Variants in PPL observed in about 807,000 individuals in gnomAD.
PPL encodes the protein 190 kDa paraneoplastic pemphigus antigen.
PPL carries 198 observed loss-of-function variants against 194.4 expected under a neutral mutation model. The ratio of observed to expected loss-of-function variants is 1.02; its 90% CI spans 0.91 to 1.15. The LOEUF (loss-of-function observed/expected upper bound fraction) is 1.15. Among genes scored for constraint, PPL ranks in the 50% most tolerant of loss-of-function variants. PPL has a pLI of 0.00. For missense variants in PPL, 2,885 were observed against 2,294.8 expected (o/e 1.26, Z -5.25); for synonymous variants, 1,220 against 972.4 (o/e 1.25, Z -4.74).
intron 1 of PPL, among the ~76,000 whole-genome samples, chr16:4,918,728 C>G (rs981916830): frequency 2.0e-5 from 3 of 152,310 alleles, no homozygotes; most frequent in African/African-American, 7.2e-5. Flanking sequence ...CGTTTTTGCC[C>G]TGTAGCTTTG....
At chr16:4,930,271 C>A (rs2089210361) in intron 1 of PPL, among the ~76,000 whole-genome samples, 1 of 152,176 alleles carries the variant, frequency 6.6e-6, no homozygotes, top group South Asian at 2.1e-4. Flanking sequence ...CCTCCTTTAT[C>A]TCACTATCAC....
chr16:4,903,918 C>T lies in PPL; in HGVS notation c.285G>A (p.Met95Ile). 6.2e-7 allele frequency: 1 copy of T among 1,614,094 alleles called. No homozygotes were observed. The highest frequency in any genetic ancestry group is 1.1e-5 in the South Asian group (1 of 91,078). Residue 95 changes from methionine to isoleucine, a missense_variant, in exon 3 of 22, where the codon ATG (methionine) becomes ATA (isoleucine). Physicochemically the swap from Met to Ile is conservative, Grantham distance 10. Coordinates refer to ENST00000345988, the MANE Select transcript of PPL (RefSeq NM_002705.5). The part of the protein sequence containing the change: ...LEADAAIAKH[M>I]KHPQGDMIAE... The stretch of plus-strand genomic sequence containing the variant: ...CGATCATGTCCCCCTGTGGGTGCTT[C>T]ATGTGCTTGGCAATGGCCGCATCCG...
chr16:4,921,978 CGTG>C (rs1385614559), intron 1 of PPL, among the ~76,000 whole-genome samples: 1 of 151,982 alleles, frequency 6.6e-6, no homozygotes, highest in Non-Finnish European at 1.5e-5. Context: ...CGATGCTCCA[CGTG>C]GGCAGAGAAA....
chr16:4,906,205 G>C (rs138507463), intron 2 of PPL, among the ~76,000 whole-genome samples: 1 of 152,220 alleles, frequency 6.6e-6, no homozygotes, highest in African/African-American at 2.4e-5. Context: ...TCTTGACTTG[G>C]AGTGGAATTT....
At chr16:4,930,890 G>C (rs1346347188) in intron 1 of PPL, among the ~76,000 whole-genome samples, 2 of 152,220 alleles carry the variant, frequency 1.3e-5, no homozygotes, top group African/African-American at 4.8e-5. Context: ...TAAGAGCAAA[G>C]AGAGGTCTGG....
rs777900436 is a variant in PPL at position 4,897,705 on chromosome 16, G to T, written c.942C>A (p.Ser314Arg). Residue 314 changes from serine (S) to arginine (R), a missense_variant, in exon 9 of 22, where the codon AGC (serine) becomes AGA (arginine). By Grantham distance (110) the Ser-to-Arg change is moderately radical. Transcript: ENST00000345988. ...GGTAGTCCTCCATGTACTTGAGGTGGCTCTCCTCGCAGATGAGCAGGTTCA... is the reference window on the plus strand; with the variant it reads ...GGTAGTCCTCCATGTACTTGAGGTGTCTCTCCTCGCAGATGAGCAGGTTCA... ...EYLNLLICEE[S>R]HLKYMEDYHQ... 2.5e-6 allele frequency: 4 copies of T among 1,613,862 alleles called. No individual in the cohort carries two copies. Among genetic ancestry groups the T allele is most frequent in the Non-Finnish European group, 3.4e-6 (4 of 1,179,978 alleles).
intron 1 of PPL, among the ~76,000 whole-genome samples, chr16:4,918,837 T>C (rs1183686572): frequency 6.6e-6 from 1 of 152,058 alleles, no homozygotes; most frequent in Non-Finnish European, 1.5e-5. Context: ...CCAGCAGGAA[T>C]GTGGGTGGGG....
rs368255572 is a variant in PPL, at chr16:4,893,549, T to C, written c.1484A>G (p.Asn495Ser). ...QQRYEVLKTE[N>S]PGDASDLQGR... ...GTGGCCCTGGCACCCACCTCCGGGATTCTCGGTCTTCAGCACCTCATACCG... is the reference window on the plus strand; with the variant it reads ...GTGGCCCTGGCACCCACCTCCGGGACTCTCGGTCTTCAGCACCTCATACCG... Residue 495 changes from asparagine to serine, a missense_variant, in exon 13 of 22, where the codon AAT becomes AGT. Coordinates refer to ENST00000345988, the MANE Select transcript of PPL (RefSeq NM_002705.5). The C allele has an allele frequency of 9.2e-5, 149 of 1,612,486 alleles. No individual in the cohort carries two copies. Among genetic ancestry groups the C allele is most frequent in the Non-Finnish European group, 1.2e-4 (147 of 1,179,806 alleles).
intron 1 of PPL, among the ~76,000 whole-genome samples, chr16:4,930,117 C>A (rs1026156260): frequency 2.0e-5 from 3 of 152,244 alleles, no homozygotes; most frequent in Admixed American, 6.5e-5. Context: ...TGCTTGCTCA[C>A]TGTCATGCCT....
intron 2 of PPL, among the ~76,000 whole-genome samples, chr16:4,910,644 G>C (rs755503004): frequency 1.8e-4 from 27 of 152,296 alleles, no homozygotes; most frequent in Middle Eastern, 6.8e-3. Context: ...GCACGGTAGG[G>C]TGTTCAGCAG....
In PPL at chr16:4,882,992, C is replaced by G. The variant is rs1340071201; in HGVS notation, c.*392G>C. 1 of 225,528 alleles carries G rather than the reference C, an allele frequency of 4.4e-6. No homozygotes were observed. The highest frequency in any genetic ancestry group is 8.8e-6 in the Non-Finnish European group (1 of 113,638). The allele number at this position is 225,528 out of a possible 1,614,324, so 14.0% of individuals were successfully genotyped here. On this transcript the variant is annotated 3_prime_UTR_variant, in exon 22 of 22. Transcript: ENST00000345988. ...CCCAGGCCTTTGTGGGGCAGTGTCA[C>G]TGTCTGGTGTGCCACCAGTACCCAT... is the stretch of plus-strand genomic sequence containing the variant.
At chr16:4,891,473 C>A in intron 16 of PPL, 4 of 185,854 alleles carry the variant, frequency 2.2e-5, no homozygotes, top group Non-Finnish European at 3.0e-5. Context: ...GAGATAGGGT[C>A]TTGCAACGTT....
At chr16:4,895,155 C>T (rs1024145232) in intron 11 of PPL, 106 bp downstream of exon 11, 28 of 1,363,740 alleles carry the variant, frequency 2.1e-5, no homozygotes, top group Middle Eastern at 1.9e-4. Context: ...ACACCAACCA[C>T]GGAGACAGGC....
intron 1 of PPL, among the ~76,000 whole-genome samples, chr16:4,918,887 G>A (rs1228595406): frequency 2.0e-5 from 3 of 152,148 alleles, no homozygotes; most frequent in African/African-American, 7.2e-5. Flanking sequence ...CAGGAGTGCT[G>A]GGAAACCGGC....
chr16:4,906,578 G>A (rs2088688132), intron 2 of PPL, among the ~76,000 whole-genome samples: 1 of 152,216 alleles, frequency 6.6e-6, no homozygotes, highest in Non-Finnish European at 1.5e-5. Context: ...CTGAGCTGCA[G>A]ATCAAAGATT....
At chr16:4,931,322 C>G (rs1314005173) in intron 1 of PPL, among the ~76,000 whole-genome samples, 1 of 152,156 alleles carries the variant, frequency 6.6e-6, no homozygotes, top group Non-Finnish European at 1.5e-5. Flanking sequence ...TATGATCGCA[C>G]CACTGCACTC....
chr16:4,933,474 GAGCTGGGTCTTGGCCACTCCATCCC>G (rs1431470236), intron 1 of PPL, among the ~76,000 whole-genome samples: 1 of 152,150 alleles, frequency 6.6e-6, no homozygotes, highest in East Asian at 1.9e-4. Context: ...CCTGACTGCA[GAGCTGGGTCTTGGCCACTCCATCCC>G]ACCCCGTGAC....
chr16:4,889,241 G>T (rs375959284), intron 18 of PPL, among the ~76,000 whole-genome samples, 180 bp from the exon 19 acceptor site: 2,589 of 66,548 alleles, frequency 0.039, 166 homozygotes, highest in African/African-American at 0.082. Flanking sequence ...TGTTGTTGTT[G>T]TTTTTTTTTT....
intron 16 of PPL, among the ~76,000 whole-genome samples, chr16:4,891,250 G>A (rs1048388222): frequency 1.8e-4 from 27 of 152,138 alleles, no homozygotes; most frequent in African/African-American, 6.3e-4. Flanking sequence ...AGGGGCCTCA[G>A]GTCACAGACT....
Sources: gnomAD v4.1 joint callset for allele counts (sites outside exome capture counted in the v4.1 genomes callset) on GRCh38, gnomAD v4.1.1 for gene constraint, MANE v1.5 for transcripts, NCBI Gene and HGNC (gene_info 2026-07-23, HGNC 2026-07-21) for gene names.